PFKFB3: variants seen among roughly 807,000 people sequenced by gnomAD.
The protein encoded by PFKFB3 is 6-phosphofructo-2-kinase/fructose-2,6-biphosphatase 3, also known as 6-phosphofructo-2-kinase/fructose-2,6-bisphosphatase 3.
Under a neutral mutation model 68.0 loss-of-function variants are expected in PFKFB3, and 33 were observed. That is an observed-to-expected ratio of 0.49 (90% CI 0.37 to 0.65). The LOEUF (loss-of-function observed/expected upper bound fraction) is 0.65. Among genes scored for constraint, PFKFB3 ranks in the 30% least tolerant of loss-of-function variants. The probability of loss-of-function intolerance (pLI) is 0.00; values close to 1 mark genes in which losing one functional copy is unlikely to be tolerated. For missense variants in PFKFB3, 586 were observed against 712.2 expected (o/e 0.82, Z 2.02); for synonymous variants, 315 against 288.2 (o/e 1.09, Z -0.94).
chr10:6,203,646 C>G (rs2131862504), intron 1 of PFKFB3, among the ~76,000 whole-genome samples: 1 of 151,924 alleles, frequency 6.6e-6, no homozygotes, highest in East Asian at 2.0e-4. Context: ...CGATCCCTGT[C>G]CTCGACACCC....
intron 14 of PFKFB3, among the ~76,000 whole-genome samples, chr10:6,245,307 G>A (rs1846230149): frequency 6.6e-6 from 1 of 152,014 alleles, no homozygotes; most frequent in South Asian, 2.1e-4. Flanking sequence ...ATGTTGGCCA[G>A]ACTGGTCTCG....
chr10:6,167,247 G>A (rs1842171734), intron 1 of PFKFB3, among the ~76,000 whole-genome samples: 2 of 152,226 alleles, frequency 1.3e-5, no homozygotes, highest in South Asian at 4.1e-4. Flanking sequence ...ACCTGAGTAC[G>A]TTTCAGCCCT....
At chr10:6,324,521 G>T in the PFKFB3 span, among the ~76,000 whole-genome samples, 27 of 152,116 alleles carry the variant, frequency 1.8e-4, no homozygotes, top group African/African-American at 4.8e-4. Flanking sequence ...CTGCCTCCCG[G>T]GTTTGGGTGG....
chr10:6,169,676 G>A (rs1293595148), intron 1 of PFKFB3, among the ~76,000 whole-genome samples: 1 of 152,230 alleles, frequency 6.6e-6, no homozygotes, highest in East Asian at 1.9e-4. Flanking sequence ...GCTCTCTAGA[G>A]GCTTACAAAC....
At chr10:6,224,992 G>T (rs1416741053) in intron 13 of PFKFB3, among the ~76,000 whole-genome samples, 1 of 151,220 alleles carries the variant, frequency 6.6e-6, no homozygotes, top group East Asian at 1.9e-4. Flanking sequence ...GGGGGTGGCG[G>T]GTGGGGAGGC....
intron 13 of PFKFB3, chr10:6,225,087 TCTGA>T (rs942961259): frequency 4.4e-6 from 2 of 455,860 alleles, no homozygotes; most frequent in Admixed American, 2.4e-5. Context: ...CCAGGCTGCC[TCTGA>T]CTGAGTAGAG....
chr10:6,165,036 C>G (rs543703905), intron 1 of PFKFB3, among the ~76,000 whole-genome samples: 2 of 152,022 alleles, frequency 1.3e-5, no homozygotes, highest in Non-Finnish European at 2.9e-5. Context: ...AGTACAGACC[C>G]TTTACGGGTG....
chr10:6,308,801 G>A, the PFKFB3 span, among the ~76,000 whole-genome samples: 75 of 152,266 alleles, frequency 4.9e-4, no homozygotes, highest in African/African-American at 1.2e-3. Context: ...CTTGATCAGT[G>A]TAAATCTTTC....
At chr10:6,188,828 ATTTTTTTTTTT>A (rs35338599) in intron 1 of PFKFB3, among the ~76,000 whole-genome samples, 10 of 113,078 alleles carry the variant, frequency 8.8e-5, no homozygotes, top group Non-Finnish European at 1.6e-4. Context: ...CTTCCTTTTA[ATTTTTTTTTTT>A]TTTTTTTTTT....
At chr10:6,248,574 A>G (rs571884284) in intron 14 of PFKFB3, among the ~76,000 whole-genome samples, 1 of 132,450 alleles carries the variant, frequency 7.6e-6, no homozygotes, top group East Asian at 2.6e-4. Context: ...GGCTGCAGTG[A>G]GCTGAGATCG....
In PFKFB3 at chr10:6,232,618, C is replaced by T. The variant is rs150475065; in HGVS notation, c.1516-277C>T. The stretch of plus-strand genomic sequence containing the variant: ...CTGGTGCCCAGCGCCGCGCAGCTCA[C>T]GGTCCTCCAGGAGCCACACGGCCCC... On this transcript the variant is annotated intron_variant, in intron 14 of 14. Transcript: ENST00000379775. 8.4e-3 allele frequency among the ~76,000 whole-genome samples: 1,280 copies of T among 152,208 alleles called. 14 individuals carry two copies. Among genetic ancestry groups the T allele is most frequent in the African/African-American group, 0.03 (1,234 of 41,516 alleles).
downstream of PFKFB3, among the ~76,000 whole-genome samples, chr10:6,255,070 G>T (rs1443860895): frequency 2.0e-5 from 3 of 151,106 alleles, no homozygotes; most frequent in East Asian, 5.8e-4. Context: ...GCCCACCTCG[G>T]TCTCCCAAAG....
intron 14 of PFKFB3, among the ~76,000 whole-genome samples, chr10:6,230,971 C>T (rs1271543446): frequency 6.6e-6 from 1 of 152,080 alleles, no homozygotes; most frequent in Non-Finnish European, 1.5e-5. Context: ...CCGCCTTGGC[C>T]TCCCAAAGTG....
At chr10:6,145,510 C>T (rs1450048776) in intron 1 of PFKFB3, among the ~76,000 whole-genome samples, 1 of 152,104 alleles carries the variant, frequency 6.6e-6, no homozygotes, top group African/African-American at 2.4e-5. Context: ...CCGGAGAGAC[C>T]CGGAGGGCGG....
chr10:6,210,548 C>T lies in PFKFB3; in HGVS notation c.77-3075C>T, dbSNP rs184017718. 4.2e-4 allele frequency among the ~76,000 whole-genome samples: 40 copies of T among 95,384 alleles called. 8 individuals carry two copies. In the East Asian group the frequency reaches 6.4e-3, roughly 15 times the overall value. The allele number at this position is 95,384 out of a possible 152,430, so 62.6% of individuals were successfully genotyped here. A position where few individuals can be genotyped will look rare whatever the true frequency, so the allele number is the denominator to read the frequency against. On this transcript the variant is annotated intron_variant, in intron 1 of 14. Coordinates refer to ENST00000379775, the MANE Select transcript of PFKFB3 (RefSeq NM_004566.4). ...GCTAATTTTTTGTGTTTTTAATAGA[C>T]GGGGTTTCGCCATGTTAGCCAGGAT...
chr10:6,225,189 A>G (rs539261799), intron 13 of PFKFB3: 2 of 456,334 alleles, frequency 4.4e-6, no homozygotes, highest in South Asian at 1.5e-5. Flanking sequence ...CTGTGCTAGT[A>G]CTAGTCAGAC....
chr10:6,278,560 C>G, the PFKFB3 span, among the ~76,000 whole-genome samples: 2 of 152,172 alleles, frequency 1.3e-5, no homozygotes, highest in Non-Finnish European at 2.9e-5. Flanking sequence ...CAGGCGTGAG[C>G]CACCGTGCCT....
At chr10:6,145,644 G>A (rs1159759715) in intron 1 of PFKFB3, among the ~76,000 whole-genome samples, 1 of 151,970 alleles carries the variant, frequency 6.6e-6, no homozygotes, top group Non-Finnish European at 1.5e-5. Flanking sequence ...TCTGACCCCC[G>A]GGCAGTCATT....
the PFKFB3 span, among the ~76,000 whole-genome samples, chr10:6,322,464 A>G: frequency 6.6e-6 from 1 of 152,100 alleles, no homozygotes. Flanking sequence ...TCCACACTTC[A>G]CCCAGTAGCC....
Sources: gnomAD v4.1 joint callset for allele counts (sites outside exome capture counted in the v4.1 genomes callset) on GRCh38, gnomAD v4.1.1 for gene constraint, MANE v1.5 for transcripts, NCBI Gene and HGNC (gene_info 2026-07-23, HGNC 2026-07-21) for gene names.